Variants in XPNPEP2 observed in about 807,000 individuals in gnomAD.
XPNPEP2 encodes xaa-Pro aminopeptidase 2.
A neutral mutation model predicts 59.8 loss-of-function variants in XPNPEP2; 64 were observed. That is an observed-to-expected ratio of 1.07 (90% CI 0.87 to 1.32). The LOEUF is 1.32. XPNPEP2 is among the 40% of genes most tolerant of loss of function. The pLI, the probability that XPNPEP2 is intolerant of heterozygous loss-of-function variation, is 0.00. For synonymous variants in XPNPEP2, 235 were observed against 210.0 expected (o/e 1.12, Z -1.03); for missense variants, 575 against 546.8 (o/e 1.05, Z -0.51).
intron 13 of XPNPEP2, 30 bp downstream of exon 13, chrX:129,755,401 C>G: frequency 8.6e-7 from 1 of 1,163,603 alleles, no homozygotes; most frequent in Non-Finnish European, 1.2e-6. Context: ...TTTCTAGGGC[C>G]CTGTTGGGGC....
chrX:129,743,705 T>C (rs1170615393), intron 2 of XPNPEP2, among the ~76,000 whole-genome samples: 3 of 111,378 alleles, frequency 2.7e-5, no homozygotes, highest in Non-Finnish European at 5.7e-5. Flanking sequence ...CAGGTCCCAT[T>C]ACTGTCACAA....
At chrX:129,745,086 T>G in intron 3 of XPNPEP2, 117 bp from the exon 4 acceptor site, 1 of 862,729 alleles carries the variant, frequency 1.2e-6, no homozygotes, top group East Asian at 3.3e-5. Context: ...TGCTTGGGCT[T>G]GTAGCTGACA....
intron 1 of XPNPEP2, among the ~76,000 whole-genome samples, chrX:129,741,307 C>A (rs1471337929): frequency 8.9e-6 from 1 of 111,937 alleles, no homozygotes; most frequent in Non-Finnish European, 1.9e-5. Context: ...AGTGGGAGGA[C>A]TGAAAGTGCG....
chrX:129,760,479 G>A lies in XPNPEP2; in HGVS notation c.1429-33G>A, dbSNP rs73633920. ...GGATACTCCTCTGGCTCCTCCTCCC[G>A]TCCTCCATATCACCTCTTCCTCTCC... On this transcript the variant is annotated intron_variant, in intron 15 of 20. Transcript: ENST00000371106. The A allele has an allele frequency of 3.2e-3, 3,876 of 1,195,454 alleles. 75 individuals carry two copies. In the African/African-American group the frequency reaches 0.057, roughly 17 times the overall value.
chrX:129,750,336 T>C, intron 7 of XPNPEP2, 132 bp from the exon 8 acceptor site: 3 of 468,936 alleles, frequency 6.4e-6, no homozygotes, highest in Non-Finnish European at 1.1e-5. Context: ...CAAGTAAGAG[T>C]TTGTTTGAGG....
Position 129,756,417 on chromosome X carries a change from C to T in XPNPEP2, c.1296-67C>T, listed in dbSNP as rs7055135. The T allele has an allele frequency of 5.8e-4, 649 of 1,121,850 alleles. 3 individuals carry two copies. The African/African-American group carries it at 0.011, about 19-fold the overall frequency. 92.5% of individuals were successfully genotyped at this position (1,121,850 alleles called of 1,213,427 possible). A position where few individuals can be genotyped will look rare whatever the true frequency, so the allele number is the denominator to read the frequency against. On this transcript the variant is annotated intron_variant, in intron 13 of 20. Transcript: ENST00000371106. ...AGCCCAGGCCCCAGAGGTCCTCCCACCAAGGCCTCCCACGTGACCCAGTGC... is the reference window on the plus strand; with the variant it reads ...AGCCCAGGCCCCAGAGGTCCTCCCATCAAGGCCTCCCACGTGACCCAGTGC...
chrX:129,765,059 C>T (rs1032829597), intron 19 of XPNPEP2, among the ~76,000 whole-genome samples: 4 of 112,217 alleles, frequency 3.6e-5, no homozygotes, highest in African/African-American at 1.3e-4. Context: ...GCACACACAG[C>T]GTATGTATCT....
Position 129,768,545 on chromosome X carries a change from C to T in XPNPEP2, c.*60C>T. ...ATGGGGGGCTCCCTTGCTTAGCTCC[C>T]CTCACCCTGCACTGAACATACCCCA... On this transcript the variant is annotated 3_prime_UTR_variant, in exon 21 of 21. Transcript: ENST00000371106. 1 of 1,026,728 alleles carries T rather than the reference C, an allele frequency of 9.7e-7. No homozygotes were observed. The highest frequency in any genetic ancestry group is 1.3e-6 in the Non-Finnish European group (1 of 777,158). 84.6% of individuals were successfully genotyped at this position (1,026,728 alleles called of 1,213,427 possible). A position where few individuals can be genotyped will look rare whatever the true frequency, so the allele number is the denominator to read the frequency against.
chrX:129,751,535 GAAGAAAGAAAGAAAGAAAGAAAGAAAGA>G (rs1178245774), intron 8 of XPNPEP2, among the ~76,000 whole-genome samples, 182 bp from the exon 9 acceptor site: 127 of 50,846 alleles, frequency 2.5e-3, no homozygotes, highest in African/African-American at 9.0e-3. Context: ...AGAAAGAAAG[GAAGAAAGAAAGAAAGAAAGAAAGAAAGA>G]AAGAAAGAAA....
chrX:129,752,369 A>C, intron 10 of XPNPEP2, 24 bp downstream of exon 10: 1 of 1,201,752 alleles, frequency 8.3e-7, no homozygotes, highest in Non-Finnish European at 1.1e-6. Context: ...GCCCCAGCCC[A>C]AGCCAGGCAC....
At chrX:129,745,784 T>C (rs756722632) in intron 4 of XPNPEP2, among the ~76,000 whole-genome samples, 1 of 111,749 alleles carries the variant, frequency 8.9e-6, no homozygotes, top group African/African-American at 3.3e-5. Context: ...CCTTTCCTGA[T>C]CCTCAAACAT....
At chrX:129,762,267 C>T (rs1312896943) in intron 18 of XPNPEP2, among the ~76,000 whole-genome samples, 1 of 111,732 alleles carries the variant, frequency 8.9e-6, no homozygotes, top group Non-Finnish European at 1.9e-5. Flanking sequence ...CCCAGACCCT[C>T]TTTTTGCTCT....
At chrX:129,754,378 C>T in intron 11 of XPNPEP2, 94 bp from the exon 12 acceptor site, 2 of 782,614 alleles carry the variant, frequency 2.6e-6, no homozygotes, top group East Asian at 3.6e-5. Flanking sequence ...AGCTCCACAT[C>T]CTGGAGCCGC....
In XPNPEP2 at chrX:129,752,382, A is replaced by G. The variant is rs1926437813; in HGVS notation, c.1017+37A>G. The G allele has an allele frequency of 3.4e-6, 4 of 1,184,931 alleles. No individual in the cohort carries two copies. In the South Asian group the frequency reaches 7.3e-5, roughly 22 times the overall value. On this transcript the variant is annotated intron_variant, in intron 10 of 20. Transcript: ENST00000371106. ...AGGCCCCAGCCCAAGCCAGGCACCA[A>G]TCCCCACTCTAGGCCTGAGAAGTCT...
chrX:129,752,077 A>T (rs745990596), intron 9 of XPNPEP2, 73 bp from the exon 10 acceptor site: 22 of 1,122,181 alleles, frequency 2.0e-5, no homozygotes, highest in Non-Finnish European at 2.6e-5. Context: ...GAACAGAGGG[A>T]CTGTGACTGC....
intron 4 of XPNPEP2, among the ~76,000 whole-genome samples, 180 bp downstream of exon 4, chrX:129,745,446 C>T (rs1177504028): frequency 9.0e-6 from 1 of 111,282 alleles, no homozygotes; most frequent in Non-Finnish European, 1.9e-5. Context: ...GGGCACATAT[C>T]TCATAGCCCA....
intron 1 of XPNPEP2, 65 bp from the exon 2 acceptor site, chrX:129,742,029 CGGGCTGAGAGGATA>C (rs1926193041): frequency 1.0e-6 from 1 of 959,034 alleles, no homozygotes; most frequent in Non-Finnish European, 1.5e-6. Flanking sequence ...CCCCGTGGGG[CGGGCTGAGAGGATA>C]CTCCTTCCCT....
chrX:129,747,267 T>C (rs1926316105), intron 6 of XPNPEP2, among the ~76,000 whole-genome samples: 2 of 112,576 alleles, frequency 1.8e-5, no homozygotes, highest in Admixed American at 1.9e-4. Flanking sequence ...CACCATTCCT[T>C]TTGACTGTGA....
chrX:129,751,730 C>T lies in XPNPEP2; in HGVS notation c.740-15C>T. 8.3e-7 allele frequency: 1 copy of T among 1,200,804 alleles called. No individual in the cohort carries two copies. The highest frequency in any genetic ancestry group is 1.1e-6 in the Non-Finnish European group (1 of 886,116). On this transcript the variant is annotated splice_polypyrimidine_tract_variant and intron_variant, in intron 8 of 20. Coordinates refer to ENST00000371106, the MANE Select transcript of XPNPEP2 (RefSeq NM_003399.6). ...CAGATCAGCATTAAATATTCCTTGT[C>T]AATTCTCTTCCCAGGGCTCTTCAAC...
Sources: gnomAD v4.1 joint callset for allele counts (sites outside exome capture counted in the v4.1 genomes callset) on GRCh38, gnomAD v4.1.1 for gene constraint, MANE v1.5 for transcripts, NCBI Gene and HGNC (gene_info 2026-07-23, HGNC 2026-07-21) for gene names.